The following KCNH7 variants were observed in gnomAD, a reference collection of about 807,000 sequenced individuals.
KCNH7 encodes the protein voltage-gated inwardly rectifying potassium channel KCNH7.
Under a neutral mutation model 120.8 loss-of-function variants are expected in KCNH7, and 49 were observed. The observed-to-expected ratio is 0.41, with a 90% CI of 0.32 to 0.51. The LOEUF (loss-of-function observed/expected upper bound fraction) is 0.51. Among genes scored for constraint, KCNH7 ranks in the 20% least tolerant of loss-of-function variants. The probability of loss-of-function intolerance (pLI) is 0.38; values close to 1 mark genes in which losing one functional copy is unlikely to be tolerated. For synonymous variants in KCNH7, 547 were observed against 516.1 expected (o/e 1.06, Z -0.81); for missense variants, 1,097 against 1,446.6 (o/e 0.76, Z 3.92).
intron 2 of KCNH7, among the ~76,000 whole-genome samples, chr2:162,823,909 T>TTTTTTTTTTGAGACGGA: frequency 2.6e-5 from 4 of 152,152 alleles, no homozygotes; most frequent in Non-Finnish European, 5.9e-5. Flanking sequence ...ATTTTTTAAT[T>TTTTTTTTTTGAGACGGA]GCCATATAAG....
At chr2:162,442,959 T>C (rs893384373) in intron 7 of KCNH7, among the ~76,000 whole-genome samples, 5 of 152,228 alleles carry the variant, frequency 3.3e-5, no homozygotes, top group African/African-American at 7.2e-5. Flanking sequence ...TACTTATGCA[T>C]TTACTGTGTA....
At position 162,837,722 on chromosome 2, in the gene KCNH7, C is replaced by T. The variant is rs571791370; in HGVS notation, c.76+721G>A. Among the ~76,000 whole-genome samples the T allele has an allele frequency of 8.5e-5, 13 of 152,200 alleles. No individual in the cohort carries two copies. The South Asian group carries it at 2.7e-3, about 32-fold the overall frequency. ...CAACAATTTATTCCCTATATTTAGT[C>T]CACATGAGAACATTAAATTTCTGTG... is the stretch of plus-strand genomic sequence containing the variant. On this transcript the variant is annotated intron_variant, in intron 1 of 15. Coordinates refer to ENST00000332142, the MANE Select transcript of KCNH7 (RefSeq NM_033272.4).
At chr2:162,712,536 A>T (rs1686963920) in intron 2 of KCNH7, among the ~76,000 whole-genome samples, 2 of 152,188 alleles carry the variant, frequency 1.3e-5, no homozygotes, top group South Asian at 4.1e-4. Flanking sequence ...AGAATGGCTT[A>T]AAATAATGAG....
At chr2:162,399,535 C>T (rs776461851) in intron 10 of KCNH7, among the ~76,000 whole-genome samples, 38 of 151,714 alleles carry the variant, frequency 2.5e-4, no homozygotes, top group Non-Finnish European at 5.5e-4. Flanking sequence ...CCACACCTCA[C>T]GACAGGCCCC....
chr2:162,605,289 G>A (rs981691996), intron 2 of KCNH7, among the ~76,000 whole-genome samples: 1 of 152,084 alleles, frequency 6.6e-6, no homozygotes, highest in African/African-American at 2.4e-5. Flanking sequence ...TAGGTTTCTT[G>A]GGCTGAGCAT....
rs147236402 is a variant in KCNH7 at position 162,463,048 on chromosome 2, C to G, written c.1129-16605G>C. Reference sequence around the variant, plus strand: ...GTTGATGAGTCTTACTTGGTCGGGCCAGGTCTGATGGTTAAATCAATTAAG... The same window carrying G: ...GTTGATGAGTCTTACTTGGTCGGGCGAGGTCTGATGGTTAAATCAATTAAG... On this transcript the variant is annotated intron_variant, in intron 6 of 15. Transcript: ENST00000332142. Among the ~76,000 whole-genome samples, 503 of 151,970 alleles carry G rather than the reference C, an allele frequency of 3.3e-3. 2 individuals are homozygous for G. Among genetic ancestry groups the G allele is most frequent in the African/African-American group, 0.011 (476 of 41,472 alleles).
intron 2 of KCNH7, among the ~76,000 whole-genome samples, chr2:162,686,538 A>G (rs1685899029): frequency 6.6e-6 from 1 of 151,338 alleles, no homozygotes; most frequent in African/African-American, 2.4e-5. Flanking sequence ...GACAATGTGG[A>G]TCATGTTTTA....
chr2:162,810,604 G>A (rs986303220), intron 2 of KCNH7, among the ~76,000 whole-genome samples: 11 of 152,116 alleles, frequency 7.2e-5, no homozygotes, highest in Non-Finnish European at 1.2e-4. Context: ...CTCTCAGTCC[G>A]CATTACCTTA....
At chr2:162,674,573 T>C (rs1230854924) in intron 2 of KCNH7, among the ~76,000 whole-genome samples, 1 of 151,744 alleles carries the variant, frequency 6.6e-6, no homozygotes, top group Non-Finnish European at 1.5e-5. Flanking sequence ...ATTTAGGGGA[T>C]CTATCCAAGA....
intron 2 of KCNH7, among the ~76,000 whole-genome samples, chr2:162,688,664 T>G (rs77078295): frequency 0.011 from 1,627 of 152,178 alleles, 25 homozygotes; most frequent in African/African-American, 0.037. Flanking sequence ...CACTGTGGTA[T>G]AGGTATTTTT....
intron 8 of KCNH7, among the ~76,000 whole-genome samples, chr2:162,429,590 T>G (rs1688000305): frequency 6.6e-6 from 1 of 151,690 alleles, no homozygotes; most frequent in South Asian, 2.1e-4. Context: ...TTGAGAGATT[T>G]TGTTTTTCTT....
At chr2:162,621,036 G>T (rs1683335638) in intron 2 of KCNH7, among the ~76,000 whole-genome samples, 1 of 151,914 alleles carries the variant, frequency 6.6e-6, no homozygotes, top group African/African-American at 2.4e-5. Context: ...ACTTCCAAAT[G>T]CCTCCATCAA....
At chr2:162,773,894 C>CA (rs1310010267) in intron 2 of KCNH7, among the ~76,000 whole-genome samples, 24 of 152,068 alleles carry the variant, frequency 1.6e-4, no homozygotes, top group African/African-American at 4.6e-4. Context: ...ATTACAAACA[C>CA]AAAAAATATT....
intron 2 of KCNH7, among the ~76,000 whole-genome samples, chr2:162,617,821 A>G (rs1409140330): frequency 6.6e-6 from 1 of 152,142 alleles, no homozygotes; most frequent in Non-Finnish European, 1.5e-5. Flanking sequence ...CAAATTTCTA[A>G]ATAGGGGGAA....
intron 12 of KCNH7, among the ~76,000 whole-genome samples, chr2:162,388,601 T>C (rs906470819): frequency 6.6e-6 from 1 of 151,942 alleles, no homozygotes. Flanking sequence ...TTGAAGAAGA[T>C]ATTTCAAAGA....
chr2:162,373,825 T>C (rs1686056606), intron 14 of KCNH7, among the ~76,000 whole-genome samples, 163 bp from the exon 15 acceptor site: 1 of 152,234 alleles, frequency 6.6e-6, no homozygotes, highest in Admixed American at 6.5e-5. Flanking sequence ...GGATACTTAC[T>C]GTGTATGTCT....
Position 162,604,337 on chromosome 2 carries a change from T to C in KCNH7, c.308-67257A>G, listed in dbSNP as rs529418268. Among the ~76,000 whole-genome samples, 4 of 152,240 alleles carry C rather than the reference T, an allele frequency of 2.6e-5. No individual in the cohort carries two copies. In the South Asian group the frequency reaches 8.3e-4, roughly 32 times the overall value. The stretch of plus-strand genomic sequence containing the variant: ...ATTTTCAATACGGTTCAATAATGGA[T>C]TGTTGAGGAGTTCTAAAATTAAAAA... On this transcript the variant is annotated intron_variant, in intron 2 of 15. Coordinates refer to ENST00000332142, the MANE Select transcript of KCNH7 (RefSeq NM_033272.4).
At chr2:162,643,233 A>G (rs1034853915) in intron 2 of KCNH7, among the ~76,000 whole-genome samples, 4 of 151,996 alleles carry the variant, frequency 2.6e-5, no homozygotes, top group African/African-American at 7.2e-5. Flanking sequence ...ACTGGCTCAG[A>G]GCAGCCCCAG....
chr2:162,496,282 G>A (rs1471511188), intron 6 of KCNH7, among the ~76,000 whole-genome samples: 1 of 152,136 alleles, frequency 6.6e-6, no homozygotes, highest in Non-Finnish European at 1.5e-5. Flanking sequence ...AGTAAGGAAA[G>A]GTCCCCAGAG....
Sources: gnomAD v4.1 joint callset for allele counts (sites outside exome capture counted in the v4.1 genomes callset) on GRCh38, gnomAD v4.1.1 for gene constraint, MANE v1.5 for transcripts, NCBI Gene and HGNC (gene_info 2026-07-23, HGNC 2026-07-21) for gene names.